The following SOX6 variants were observed in gnomAD, a reference collection of about 807,000 sequenced individuals.
SOX6 encodes the protein transcription factor SOX-6.
SOX6 carries 11 observed loss-of-function variants against 97.8 expected under a neutral mutation model. The ratio of observed to expected loss-of-function variants is 0.11; its 90% CI spans 0.07 to 0.19. The LOEUF (loss-of-function observed/expected upper bound fraction) is 0.19, where lower values mean the gene tolerates loss of function less well. SOX6 is among the 10% of genes least tolerant of loss of function. The probability of loss-of-function intolerance (pLI) is 1.00; values close to 1 mark genes in which losing one functional copy is unlikely to be tolerated. For missense variants in SOX6, 810 were observed against 1,039.5 expected, an observed-to-expected ratio of 0.78 and a Z score of 3.04; for synonymous variants, 360 against 371.4, an observed-to-expected ratio of 0.97 and a Z score of 0.35.
At chr11:16,069,784 T>C (rs1848180528) in intron 9 of SOX6, among the ~76,000 whole-genome samples, 1 of 152,164 alleles carries the variant, frequency 6.6e-6, no homozygotes, top group Non-Finnish European at 1.5e-5. Flanking sequence ...GAACAAGCAT[T>C]GACTGTAACC....
At chr11:16,155,237 G>A (rs1190471835) in intron 6 of SOX6, among the ~76,000 whole-genome samples, 1 of 152,090 alleles carries the variant, frequency 6.6e-6, no homozygotes, top group East Asian at 1.9e-4. Flanking sequence ...AGGCAGCAGA[G>A]TGTAGTGGTT....
intron 15 of SOX6, among the ~76,000 whole-genome samples, chr11:15,982,541 G>T (rs1853691200): frequency 6.6e-6 from 1 of 151,836 alleles, no homozygotes; most frequent in Non-Finnish European, 1.5e-5. Context: ...TTTATAAAGT[G>T]GTATAGTATT....
intron 3 of SOX6, among the ~76,000 whole-genome samples, chr11:16,304,357 A>T (rs1019984717): frequency 6.6e-6 from 1 of 152,168 alleles, no homozygotes; most frequent in African/African-American, 2.4e-5. Context: ...TTAGATCATG[A>T]GGGCTCCACC....
intron 3 of SOX6, among the ~76,000 whole-genome samples, chr11:16,686,784 T>G (rs1330861494): frequency 6.6e-6 from 1 of 152,232 alleles, no homozygotes; most frequent in Non-Finnish European, 1.5e-5. Context: ...ATTTTCTGTG[T>G]TAGGCTATTC....
chr11:16,387,413 T>C (rs527678015), intron 1 of SOX6, among the ~76,000 whole-genome samples: 4 of 152,178 alleles, frequency 2.6e-5, no homozygotes, highest in African/African-American at 4.8e-5. Context: ...CAAAGAAATA[T>C]AGTGTCAGTG....
At chr11:16,441,374 C>A (rs944931333) in intron 1 of SOX6, among the ~76,000 whole-genome samples, 1 of 151,940 alleles carries the variant, frequency 6.6e-6, no homozygotes, top group Non-Finnish European at 1.5e-5. Context: ...GTAAAATAAC[C>A]AGACTAGAAG....
At chr11:16,108,315 C>G (rs1477229671) in intron 7 of SOX6, among the ~76,000 whole-genome samples, 1 of 151,960 alleles carries the variant, frequency 6.6e-6, no homozygotes, top group Non-Finnish European at 1.5e-5. Context: ...GCTTTCTAGC[C>G]GCAATCATGT....
chr11:16,609,676 T>A (rs1364362918), intron 4 of SOX6, among the ~76,000 whole-genome samples: 2 of 152,288 alleles, frequency 1.3e-5, no homozygotes, highest in Non-Finnish European at 1.5e-5. Flanking sequence ...ACTGCCTTTT[T>A]AAAATATACT....
At chr11:15,978,075 A>G (rs1853544741) in intron 15 of SOX6, among the ~76,000 whole-genome samples, 1 of 152,012 alleles carries the variant, frequency 6.6e-6, no homozygotes, top group South Asian at 2.1e-4. Flanking sequence ...TACTAAAGAT[A>G]TCTCTCCAGC....
chr11:16,581,601 T>C (rs1405640586), intron 4 of SOX6, among the ~76,000 whole-genome samples: 1 of 152,068 alleles, frequency 6.6e-6, no homozygotes, highest in Non-Finnish European at 1.5e-5. Flanking sequence ...TCCCATGACT[T>C]AGTGTAAAAT....
chr11:16,644,324 C>T (rs1415659294), intron 3 of SOX6, among the ~76,000 whole-genome samples: 4 of 152,114 alleles, frequency 2.6e-5, no homozygotes, highest in Admixed American at 6.6e-5. Flanking sequence ...ACATATCACC[C>T]ACCATACCTG....
chr11:16,137,120 C>A (rs772423401), intron 6 of SOX6, among the ~76,000 whole-genome samples: 1 of 152,128 alleles, frequency 6.6e-6, no homozygotes, highest in Non-Finnish European at 1.5e-5. Flanking sequence ...AAGAATTGTA[C>A]AAAGTGTTTG....
chr11:16,216,602 C>A (rs1398991890), intron 4 of SOX6, among the ~76,000 whole-genome samples: 3 of 129,414 alleles, frequency 2.3e-5, no homozygotes, highest in African/African-American at 8.7e-5. Context: ...GCAAATTCTT[C>A]TTTTCAGACT....
intron 4 of SOX6, among the ~76,000 whole-genome samples, chr11:16,229,358 A>G (rs1852781146): frequency 6.6e-6 from 1 of 152,106 alleles, no homozygotes; most frequent in Non-Finnish European, 1.5e-5. Flanking sequence ...GAAGTATTCA[A>G]GTTAAAAGAT....
At chr11:16,542,030 C>T (rs999030134) in intron 4 of SOX6, among the ~76,000 whole-genome samples, 1 of 152,128 alleles carries the variant, frequency 6.6e-6, no homozygotes, top group Non-Finnish European at 1.5e-5. Flanking sequence ...TTTATTGTGG[C>T]ACTATTCACA....
intron 4 of SOX6, among the ~76,000 whole-genome samples, chr11:16,493,675 C>T (rs1406752326): frequency 6.6e-6 from 1 of 152,020 alleles, no homozygotes; most frequent in African/African-American, 2.4e-5. Flanking sequence ...AAGTTTTTCT[C>T]GAATGCCTAA....
chr11:16,302,695 G>C (rs1376498667), intron 3 of SOX6, among the ~76,000 whole-genome samples: 9 of 149,292 alleles, frequency 6.0e-5, no homozygotes, highest in Non-Finnish European at 8.9e-5. Flanking sequence ...ACAGCCGCCT[G>C]TGTAGCTGGG....
At chr11:16,477,154 C>T (rs2133121424), upstream of SOX6, among the ~76,000 whole-genome samples, 1 of 152,236 alleles carries the variant, frequency 6.6e-6, no homozygotes, top group South Asian at 2.1e-4. Flanking sequence ...GTTACAGAGG[C>T]TGTATTCTTT....
chr11:16,437,660 A>G lies in SOX6; in HGVS notation c.-5+38655T>C, dbSNP rs77830923. On this transcript the variant is annotated intron_variant, in intron 1 of 15. Transcript: ENST00000396356. ...TACCACAAAAACAGGGGCAACTAAC[A>G]TTCAGTGAAAGCTTACTATGTGCCA... Among the ~76,000 whole-genome samples, 77 of 152,334 alleles carry G rather than the reference A, an allele frequency of 5.1e-4. 3 individuals carry two copies. The East Asian group carries it at 0.014, about 28-fold the overall frequency.
Sources: allele counts gnomAD v4.1 joint callset (sites outside exome capture counted in the v4.1 genomes callset), GRCh38; gene constraint gnomAD v4.1.1; transcripts MANE v1.5; gene names NCBI Gene and HGNC (gene_info 2026-07-23, HGNC 2026-07-21).